The following NXN variants were observed in gnomAD, a reference collection of about 807,000 sequenced individuals.
NXN encodes the protein nucleoredoxin.
NXN carries 16 observed loss-of-function variants against 48.6 expected under a neutral mutation model. That is an observed-to-expected ratio of 0.33 (90% CI 0.22 to 0.50). The LOEUF is 0.50. Among genes scored for constraint, NXN ranks in the 20% least tolerant of loss-of-function variants. The probability of loss-of-function intolerance (pLI) is 0.98; values close to 1 mark genes in which losing one functional copy is unlikely to be tolerated. For missense variants in NXN, 492 were observed against 605.5 expected, an observed-to-expected ratio of 0.81 and a Z score of 1.97; for synonymous variants, 281 against 269.6, an observed-to-expected ratio of 1.04 and a Z score of -0.41.
intron 1 of NXN, among the ~76,000 whole-genome samples, chr17:966,245 T>C (rs969574227): frequency 3.3e-5 from 5 of 152,074 alleles, no homozygotes; most frequent in Admixed American, 1.3e-4. Context: ...CAGGACAGCT[T>C]TGAATGGGGC....
At chr17:934,103 A>C (rs2068880605) in intron 1 of NXN, among the ~76,000 whole-genome samples, 1 of 152,240 alleles carries the variant, frequency 6.6e-6, no homozygotes, top group Non-Finnish European at 1.5e-5. Context: ...GGGGAAATTT[A>C]GAAAGTACAA....
chr17:915,616 A>G (rs1013803550), intron 1 of NXN, among the ~76,000 whole-genome samples: 1 of 152,204 alleles, frequency 6.6e-6, no homozygotes, highest in Non-Finnish European at 1.5e-5. Flanking sequence ...AAGGAGTAAA[A>G]GTGAGAATGA....
intron 1 of NXN, among the ~76,000 whole-genome samples, chr17:905,438 A>G (rs1418094863): frequency 6.6e-6 from 1 of 152,130 alleles, no homozygotes; most frequent in African/African-American, 2.4e-5. Flanking sequence ...AAAAAGTGAA[A>G]TAAAGAATGT....
At chr17:924,412 T>C (rs530911521) in intron 1 of NXN, among the ~76,000 whole-genome samples, 98 of 152,304 alleles carry the variant, frequency 6.4e-4, no homozygotes, top group African/African-American at 2.1e-3. Flanking sequence ...TAATTTTGTA[T>C]TTTTAGTAGA....
chr17:822,375 A>G lies in NXN; in HGVS notation c.695T>C (p.Ile232Thr). Residue 232 changes from isoleucine to threonine, a missense_variant, in exon 4 of 8, where the codon ATC (isoleucine) becomes ACC (threonine). Ile to Thr is a moderately conservative substitution (Grantham distance 89, BLOSUM62 -1). Around this residue, in one of 3 missense-constraint regions of NXN, gnomAD observed 303 missense variants for 388.3 expected, o/e 0.78. Transcript: ENST00000336868. ...GACTGACCTGTCTGCACTAACGAAG[A>G]TGATCTCGAAGTTCTGGCCTGCCTC... ...IKEAGQNFEI[I>T]FVSADRSEES... 6.2e-7 allele frequency: 1 copy of G among 1,613,972 alleles called. No individual in the cohort carries two copies. The highest frequency in any genetic ancestry group is 8.5e-7 in the Non-Finnish European group (1 of 1,179,858).
rs1491528474 is a variant in NXN, at chr17:853,723, A to ATATATATATATAT, written c.361-27646_361-27645insATATATATATATA. 2.5e-3 allele frequency among the ~76,000 whole-genome samples: 270 copies of ATATATATATATAT among 105,944 alleles called. 1 individual carries two copies. The highest frequency in any genetic ancestry group is 6.8e-3 in the Middle Eastern group (1 of 146). 69.5% of individuals were successfully genotyped at this position (105,944 alleles called of 152,430 possible). ...TACACATATATATATATATATATAT[A>ATATATATATATAT]TTTTTTTTTTTTTTTCCAAGACGGA... is the stretch of plus-strand genomic sequence containing the variant. On this transcript the variant is annotated intron_variant, in intron 1 of 7. Coordinates refer to ENST00000336868, the MANE Select transcript of NXN (RefSeq NM_022463.5).
intron 5 of NXN, among the ~76,000 whole-genome samples, chr17:807,642 G>A (rs1345338429): frequency 6.6e-6 from 1 of 152,238 alleles, no homozygotes; most frequent in Non-Finnish European, 1.5e-5. Flanking sequence ...CCTAAGACGA[G>A]GTGTGCCGGG....
rs552897674 is a variant in NXN at position 801,257 on chromosome 17, A to C, written c.1126-126T>G. On this transcript the variant is annotated intron_variant, in intron 7 of 7. Coordinates refer to ENST00000336868, the MANE Select transcript of NXN (RefSeq NM_022463.5). ...TGAAGAGCCGGCGTTTCCCAAGCAG[A>C]GGGCTCCCAGCCTGGGAAGGAGGGA... 4.9e-6 allele frequency: 3 copies of C among 613,342 alleles called. No individual in the cohort carries two copies. The South Asian group carries it at 1.7e-4, about 36-fold the overall frequency. 38.0% of individuals were successfully genotyped at this position (613,342 alleles called of 1,614,324 possible).
chr17:942,611 C>A (rs58886537), intron 1 of NXN, among the ~76,000 whole-genome samples: 360 of 42,322 alleles, frequency 8.5e-3, no homozygotes, highest in African/African-American at 0.024. Context: ...TCCTGGATTT[C>A]CAGTGAACAA....
At chr17:823,541 G>T in intron 3 of NXN, 91 bp downstream of exon 3, 1 of 1,467,698 alleles carries the variant, frequency 6.8e-7, no homozygotes, top group Non-Finnish European at 9.3e-7. Context: ...TCCTGCCTGG[G>T]TGTCTCACCC....
intron 1 of NXN, among the ~76,000 whole-genome samples, chr17:901,308 T>C (rs475225): frequency 0.64 from 97,309 of 151,904 alleles, 31,539 homozygotes; most frequent in Middle Eastern, 0.76. Flanking sequence ...TGGGGGGAGA[T>C]GATCTCTACA....
chr17:964,704 A>G (rs2069281549), intron 1 of NXN, among the ~76,000 whole-genome samples: 1 of 152,206 alleles, frequency 6.6e-6, no homozygotes, highest in Admixed American at 6.5e-5. Flanking sequence ...GTGGTCAAAG[A>G]CACTTGTGTA....
intron 1 of NXN, among the ~76,000 whole-genome samples, chr17:845,786 G>A (rs111942842): frequency 0.038 from 5,754 of 152,338 alleles, 116 homozygotes; most frequent in East Asian, 0.057. Flanking sequence ...AGGCAAATAC[G>A]CCGGGTGTGG....
At chr17:936,874 G>T (rs1344195368) in intron 1 of NXN, among the ~76,000 whole-genome samples, 1 of 151,746 alleles carries the variant, frequency 6.6e-6, no homozygotes, top group African/African-American at 2.4e-5. Flanking sequence ...GAAAAGGCAG[G>T]CCTGTGTTCA....
At position 810,063 on chromosome 17, in the gene NXN, C is replaced by CTGTGAGTGACGTGCACGTTACGAGTCCG. The variant is rs1911854591; in HGVS notation, c.821-4817_821-4816insCGGACTCGTAACGTGCACGTCACTCACA. On this transcript the variant is annotated intron_variant, in intron 5 of 7. Transcript: ENST00000336868. Reference sequence around the variant, plus strand: ...TGAGTGGCGTGCACGTTACGAGTCCCTGTGAGTGGCGTGCACGTTACGAGT... The same window carrying CTGTGAGTGACGTGCACGTTACGAGTCCG: ...TGAGTGGCGTGCACGTTACGAGTCCCTGTGAGTGACGTGCACGTTACGAGTCCGTGTGAGTGGCGTGCACGTTACGAGT... 5.3e-5 allele frequency among the ~76,000 whole-genome samples: 2 copies of CTGTGAGTGACGTGCACGTTACGAGTCCG among 37,742 alleles called. 1 individual carries two copies. Among genetic ancestry groups the CTGTGAGTGACGTGCACGTTACGAGTCCG allele is most frequent in the Admixed American group, 6.4e-4 (2 of 3,120 alleles). The allele number at this position is 37,742 out of a possible 152,430, so 24.8% of individuals were successfully genotyped here. A position where few individuals can be genotyped will look rare whatever the true frequency, so the allele number is the denominator to read the frequency against.
At chr17:903,018 A>G (rs1244834254) in intron 1 of NXN, among the ~76,000 whole-genome samples, 1 of 151,126 alleles carries the variant, frequency 6.6e-6, no homozygotes, top group East Asian at 2.0e-4. Flanking sequence ...TGATCCGCCC[A>G]CCTCGGCCTC....
rs557197568 is a variant in NXN at position 925,546 on chromosome 17, G to A, written c.360+53773C>T. On this transcript the variant is annotated intron_variant, in intron 1 of 7. Transcript: ENST00000336868. The stretch of plus-strand genomic sequence containing the variant: ...TGGGATTACAGGCGCCCGCCACCAT[G>A]TCTGGCTAGTTTTTGTAGTTTTAGT... 6.0e-3 allele frequency among the ~76,000 whole-genome samples: 916 copies of A among 152,264 alleles called. 15 individuals are homozygous for A. The highest frequency in any genetic ancestry group is 0.021 in the African/African-American group (861 of 41,550).
chr17:825,508 G>T lies in NXN; in HGVS notation c.478+453C>A, dbSNP rs1210200077. ...GGCCCGCAGGGAGTGACAGCTCCAA[G>T]CAACGAGGTGCACTCACCGCCAAGG... is the stretch of plus-strand genomic sequence containing the variant. On this transcript the variant is annotated intron_variant, in intron 2 of 7. Coordinates refer to ENST00000336868, the MANE Select transcript of NXN (RefSeq NM_022463.5). This position sits in a 1 kb window ranked among gnomAD's most constrained non-coding sequence, Gnocchi z 4.1. 1 of 162,898 alleles carries T rather than the reference G, an allele frequency of 6.1e-6. No individual in the cohort carries two copies. Among genetic ancestry groups the T allele is most frequent in the East Asian group, 1.9e-4 (1 of 5,382 alleles). 10.1% of individuals were successfully genotyped at this position (162,898 alleles called of 1,614,324 possible).
intron 1 of NXN, among the ~76,000 whole-genome samples, chr17:862,899 C>T (rs1275986307): frequency 6.6e-6 from 1 of 152,174 alleles, no homozygotes; most frequent in Non-Finnish European, 1.5e-5. Flanking sequence ...CTAAACGTAT[C>T]AATGCTACAT....
Sources: gnomAD v4.1 joint callset for allele counts (sites outside exome capture counted in the v4.1 genomes callset) on GRCh38, gnomAD v4.1.1 for gene constraint, gnomAD v4.1.1 regional missense constraint, Gnocchi (gnomAD v3.1) non-coding constraint, MANE v1.5 for transcripts, NCBI Gene and HGNC (gene_info 2026-07-23, HGNC 2026-07-21) for gene names.